Variants in MYT1L observed in about 807,000 individuals in gnomAD.
MYT1L encodes the protein myelin transcription factor 1-like protein.
In MYT1L, 12 loss-of-function variants were observed where a neutral mutation model predicts 126.7. The ratio of observed to expected loss-of-function variants is 0.09; its 90% CI spans 0.06 to 0.15. The LOEUF is 0.15. MYT1L is among the 10% of genes least tolerant of loss of function. MYT1L has a pLI of 1.00. For synonymous variants in MYT1L, 541 were observed against 604.2 expected (o/e 0.90, Z 1.53); for missense variants, 979 against 1,585.2 (o/e 0.62, Z 6.49).
rs1558596910 is a variant in MYT1L, at chr2:1,801,773, G to C, written c.3199C>G (p.Gln1067Glu). 1 of 1,607,660 alleles carries C rather than the reference G, an allele frequency of 6.2e-7. No homozygotes were observed. The highest frequency in any genetic ancestry group is 1.3e-5 in the African/African-American group (1 of 74,836). ...AGCTCCTTGATTTCTTCATCTAACT[G>C]TTTGATTTCTTCATCATTTTCTATA... ...NGIENDEEIK[Q>E]LDEEIKELNE... is the part of the protein sequence containing the mutation. Residue 1067 changes from glutamine (Q) to glutamate (E), a missense_variant, in exon 23 of 25, where the codon CAG becomes GAG. By Grantham distance (29) the Gln-to-Glu change is conservative (BLOSUM62 2). Around this residue, in one of 12 missense-constraint regions of MYT1L, gnomAD observed 179 missense variants for 398.6 expected, o/e 0.45. Coordinates refer to ENST00000647738, the MANE Select transcript of MYT1L (RefSeq NM_001303052.2). The surrounding 1 kb of genome is among the most constrained non-coding windows in gnomAD (Gnocchi z 4.2).
intron 3 of MYT1L, among the ~76,000 whole-genome samples, chr2:2,066,723 T>C (rs920616214): frequency 1.5e-4 from 23 of 152,192 alleles, no homozygotes; most frequent in Admixed American, 1.2e-3. Flanking sequence ...CGCTGTCCTG[T>C]CCTTGCTATT....
At chr2:1,851,589 C>T in intron 19 of MYT1L, 52 bp downstream of exon 19, 1 of 1,549,724 alleles carries the variant, frequency 6.5e-7, no homozygotes. Context: ...GATATTCCTG[C>T]CATTTCAGTG....
intron 2 of MYT1L, among the ~76,000 whole-genome samples, chr2:2,279,391 AAGGAGAAGAAGAAG>A (rs1159744776): frequency 2.6e-5 from 4 of 151,776 alleles, no homozygotes; most frequent in Non-Finnish European, 5.9e-5. Flanking sequence ...GAAGAGGAAG[AAGGAGAAGAAGAAG>A]AGGAGAAGGA....
At chr2:1,859,395 T>A (rs905127371) in intron 18 of MYT1L, among the ~76,000 whole-genome samples, 6 of 152,214 alleles carry the variant, frequency 3.9e-5, no homozygotes, top group East Asian at 1.9e-4. Context: ...CATAATTTTT[T>A]AAAAATTTCT....
chr2:2,224,876 C>T lies in MYT1L; in HGVS notation c.-420-51888G>A, dbSNP rs999400832. On this transcript the variant is annotated intron_variant, in intron 2 of 24. Transcript: ENST00000647738. The surrounding 1 kb of genome is among the most constrained non-coding windows in gnomAD (Gnocchi z 4.0). ...TCAAATCCTTGAGAAAGGTCTTAAC[C>T]AGGGCTAGCCTTATGCTTGTGTGCT... Among the ~76,000 whole-genome samples the T allele has an allele frequency of 6.6e-6, 1 of 151,926 alleles. No homozygotes were observed. The highest frequency in any genetic ancestry group is 1.5e-5 in the Non-Finnish European group (1 of 67,978).
At chr2:1,820,711 T>A (rs1326189845) in intron 21 of MYT1L, among the ~76,000 whole-genome samples, 7 of 152,144 alleles carry the variant, frequency 4.6e-5, no homozygotes, top group Non-Finnish European at 1.0e-4. Flanking sequence ...CATGCCTGGT[T>A]AATTTTTAAA....
At chr2:2,004,175 G>A (rs116421113) in intron 4 of MYT1L, among the ~76,000 whole-genome samples, 1,936 of 123,474 alleles carry the variant, frequency 0.016, 124 homozygotes, top group African/African-American at 0.058. Flanking sequence ...TCTTTCCTGC[G>A]TGCCTCCTTT....
intron 18 of MYT1L, among the ~76,000 whole-genome samples, chr2:1,883,151 C>T (rs957517914): frequency 2.6e-5 from 4 of 152,074 alleles, no homozygotes; most frequent in African/African-American, 4.8e-5. Flanking sequence ...ACACTAATGT[C>T]GGGACTCGTG....
chr2:1,910,176 A>C lies in MYT1L; in HGVS notation c.1817+64T>G. Reference sequence around the variant, plus strand: ...GGACATGCCCTGAGCGGGTGTCCCCAGCGCTCCGAGGTGTGGGGCAGACTA... The same window carrying C: ...GGACATGCCCTGAGCGGGTGTCCCCCGCGCTCCGAGGTGTGGGGCAGACTA... On this transcript the variant is annotated intron_variant, in intron 13 of 24. Transcript: ENST00000647738. This position sits in a 1 kb window ranked among gnomAD's most constrained non-coding sequence, Gnocchi z 4.8. 6.9e-7 allele frequency: 1 copy of C among 1,450,212 alleles called. No individual in the cohort carries two copies. The highest frequency in any genetic ancestry group is 9.6e-7 in the Non-Finnish European group (1 of 1,044,360). The allele number at this position is 1,450,212 out of a possible 1,614,324, so 89.8% of individuals were successfully genotyped here. A position where few individuals can be genotyped will look rare whatever the true frequency, so the allele number is the denominator to read the frequency against.
At chr2:1,953,676 G>A (rs1035981082) in intron 8 of MYT1L, among the ~76,000 whole-genome samples, 4 of 152,314 alleles carry the variant, frequency 2.6e-5, no homozygotes, top group African/African-American at 7.2e-5. Context: ...CCCATTGTGC[G>A]AAGCAAAGGG....
chr2:2,123,808 A>G (rs533803985), intron 3 of MYT1L, among the ~76,000 whole-genome samples: 2 of 152,334 alleles, frequency 1.3e-5, no homozygotes, highest in African/African-American at 4.8e-5. Context: ...GTCAGTCCTC[A>G]CAAGGGTCTC....
At chr2:1,864,787 C>T (rs1381226243) in intron 18 of MYT1L, among the ~76,000 whole-genome samples, 4 of 152,196 alleles carry the variant, frequency 2.6e-5, no homozygotes, top group African/African-American at 4.8e-5. Context: ...TCAGCAGCCA[C>T]TTCGGGGCAG....
intron 2 of MYT1L, among the ~76,000 whole-genome samples, chr2:2,214,257 TTATC>T (rs61708071): frequency 0.22 from 31,827 of 147,258 alleles, 3,373 homozygotes; most frequent in Admixed American, 0.24. Context: ...ATGAGACAAA[TTATC>T]TATCTATCTA....
chr2:1,813,863 T>C (rs1284424270), intron 21 of MYT1L, among the ~76,000 whole-genome samples: 1 of 91,754 alleles, frequency 1.1e-5, no homozygotes, highest in Non-Finnish European at 2.3e-5. Flanking sequence ...CCGTCTGTAC[T>C]AGAAATACAA....
rs1206285731 is a variant in MYT1L, at chr2:2,104,176, GC to G, written c.-303-50054del. On this transcript the variant is annotated intron_variant, in intron 3 of 24. Transcript: ENST00000647738. ...AGTATGTCCTCGAAATAGGTACTAG[GC>G]AGCTGGAAGAAATCATTGAAATGCT... is the stretch of plus-strand genomic sequence containing the variant. 3.3e-5 allele frequency among the ~76,000 whole-genome samples: 5 copies of G among 152,334 alleles called. No individual in the cohort carries two copies. The East Asian group carries it at 9.7e-4, about 29-fold the overall frequency.
At chr2:1,951,603 C>T (rs1240457545) in intron 8 of MYT1L, among the ~76,000 whole-genome samples, 1 of 152,224 alleles carries the variant, frequency 6.6e-6, no homozygotes, top group Non-Finnish European at 1.5e-5. Flanking sequence ...CTGTGCACCT[C>T]ACCAAGTCGC....
Position 1,791,887 on chromosome 2 carries a change from C to T in MYT1L, c.3541G>A (p.Val1181Met). Residue 1181 changes from valine to methionine, a missense_variant, in exon 25 of 25, where the codon GTG becomes ATG. Physicochemically the swap from Val to Met is conservative, Grantham distance 21 (BLOSUM62 1). Around this residue, in one of 12 missense-constraint regions of MYT1L, gnomAD observed 179 missense variants for 398.6 expected, o/e 0.45. Coordinates refer to ENST00000647738, the MANE Select transcript of MYT1L (RefSeq NM_001303052.2). This position sits in a 1 kb window ranked among gnomAD's most constrained non-coding sequence, Gnocchi z 6.0. ...KALLENIKQA[V>M]RGIQV ...GCTGTTCAGACCTGAATTCCTCTCA[C>T]AGCCTGCTTTATATTTTCCAGTAGG... 6.2e-7 allele frequency: 1 copy of T among 1,606,580 alleles called. No homozygotes were observed. The highest frequency in any genetic ancestry group is 8.5e-7 in the Non-Finnish European group (1 of 1,178,068).
chr2:1,964,366 C>T (rs1199939221), intron 8 of MYT1L, among the ~76,000 whole-genome samples: 3 of 152,124 alleles, frequency 2.0e-5, no homozygotes, highest in East Asian at 1.9e-4. Flanking sequence ...ATTATTGAAA[C>T]GTGGTACAGA....
chr2:2,185,657 C>A (rs1407459766), intron 2 of MYT1L, among the ~76,000 whole-genome samples: 1 of 116,648 alleles, frequency 8.6e-6, no homozygotes, highest in East Asian at 2.5e-4. Context: ...GCCTCCCAGA[C>A]GCCCGCGTTC....
Sources: allele counts gnomAD v4.1 joint callset (sites outside exome capture counted in the v4.1 genomes callset), GRCh38; gene constraint gnomAD v4.1.1; regional missense constraint gnomAD v4.1.1; non-coding constraint Gnocchi (gnomAD v3.1); transcripts MANE v1.5; gene names NCBI Gene and HGNC (gene_info 2026-07-23, HGNC 2026-07-21).